POFUT3: variants seen among roughly 807,000 people sequenced by gnomAD.
POFUT3 encodes the protein protein O-fucosyltransferase 3.
chr8:33,337,949 T>G, the POFUT3 span, among the ~76,000 whole-genome samples: 23 of 152,242 alleles, frequency 1.5e-4, no homozygotes, highest in Non-Finnish European at 3.1e-4. Context: ...TCACTCGGTC[T>G]TTCCTTTCTG....
the POFUT3 span, among the ~76,000 whole-genome samples, chr8:33,323,380 A>G: frequency 0.016 from 2,451 of 152,294 alleles, 80 homozygotes; most frequent in African/African-American, 0.057. Flanking sequence ...TGCAGGGTGC[A>G]TGAAGCTTTT....
At chr8:33,342,571 A>G in the POFUT3 span, among the ~76,000 whole-genome samples, 2 of 152,232 alleles carry the variant, frequency 1.3e-5, no homozygotes, top group Non-Finnish European at 2.9e-5. Flanking sequence ...GTTCAATCTT[A>G]TTAGCCATTA....
chr8:33,462,870 G>A, the POFUT3 span, among the ~76,000 whole-genome samples: 1 of 151,832 alleles, frequency 6.6e-6, no homozygotes, highest in Admixed American at 6.6e-5. Context: ...GGTCAAGGCT[G>A]CAGTAAGCCG....
the POFUT3 span, among the ~76,000 whole-genome samples, chr8:33,357,615 T>G: frequency 2.0e-5 from 3 of 152,016 alleles, no homozygotes; most frequent in Non-Finnish European, 4.4e-5. Context: ...TTTCTTTTGT[T>G]TTCCCCTATT....
At chr8:33,467,805 G>T in the POFUT3 span, among the ~76,000 whole-genome samples, 1 of 152,226 alleles carries the variant, frequency 6.6e-6, no homozygotes, top group Non-Finnish European at 1.5e-5. Flanking sequence ...GCTTGAGGGT[G>T]CCAGCTTCAA....
At chr8:33,403,304 G>A in the POFUT3 span, among the ~76,000 whole-genome samples, 1 of 151,924 alleles carries the variant, frequency 6.6e-6, no homozygotes, top group Non-Finnish European at 1.5e-5. Flanking sequence ...GAGACAGTGT[G>A]TGGACTGTGT....
the POFUT3 span, among the ~76,000 whole-genome samples, chr8:33,472,464 C>A: frequency 6.6e-6 from 1 of 152,138 alleles, no homozygotes; most frequent in Non-Finnish European, 1.5e-5. Flanking sequence ...GTGCAAAATA[C>A]CTAACACATG....
the POFUT3 span, chr8:33,389,532 C>T: frequency 6.2e-7 from 1 of 1,614,136 alleles, no homozygotes; most frequent in Non-Finnish European, 8.5e-7. Context: ...TGTACATACA[C>T]CAGCGGAGCA....
At chr8:33,423,092 C>T in the POFUT3 span, among the ~76,000 whole-genome samples, 2 of 152,084 alleles carry the variant, frequency 1.3e-5, no homozygotes, top group Non-Finnish European at 2.9e-5. Flanking sequence ...GCCGGGATTA[C>T]AAGTGTGACC....
At chr8:33,454,349 T>A in the POFUT3 span, among the ~76,000 whole-genome samples, 1 of 152,162 alleles carries the variant, frequency 6.6e-6, no homozygotes, top group Non-Finnish European at 1.5e-5. Flanking sequence ...CAACACTGCA[T>A]CTCTCTGACT....
At chr8:33,400,050 TG>T in the POFUT3 span, among the ~76,000 whole-genome samples, 1 of 150,776 alleles carries the variant, frequency 6.6e-6, no homozygotes, top group African/African-American at 2.4e-5. Context: ...AAAGATTATA[TG>T]GGAAAAGTAA....
chr8:33,430,447 C>T, the POFUT3 span, among the ~76,000 whole-genome samples: 3 of 152,170 alleles, frequency 2.0e-5, no homozygotes, highest in East Asian at 3.9e-4. Context: ...AACTGCTGAA[C>T]ATCATGTATG....
At chr8:33,438,636 G>A in the POFUT3 span, among the ~76,000 whole-genome samples, 5 of 152,272 alleles carry the variant, frequency 3.3e-5, no homozygotes, top group South Asian at 1.0e-3. Flanking sequence ...AGACAAACTC[G>A]AGACTGGGTA....
chr8:33,395,350 G>A, the POFUT3 span, among the ~76,000 whole-genome samples: 1 of 152,150 alleles, frequency 6.6e-6, no homozygotes, highest in African/African-American at 2.4e-5. Context: ...AAGAGAAGGA[G>A]CATCTGAACA....
At chr8:33,465,852 T>G in the POFUT3 span, among the ~76,000 whole-genome samples, 1 of 152,100 alleles carries the variant, frequency 6.6e-6, no homozygotes, top group Non-Finnish European at 1.5e-5. Flanking sequence ...GGAAAGCAGA[T>G]AAATGAAGGA....
chr8:33,389,461 G>C, the POFUT3 span: 8 of 1,614,094 alleles, frequency 5.0e-6, no homozygotes, highest in South Asian at 1.1e-5. Context: ...AATCGACCTC[G>C]ATGTAAGTCA....
chr8:33,331,265 C>T, the POFUT3 span, among the ~76,000 whole-genome samples: 6 of 150,848 alleles, frequency 4.0e-5, no homozygotes, highest in Admixed American at 6.6e-5. Flanking sequence ...ACCCAGGAGG[C>T]GGAGGTTGTA....
At chr8:33,349,172 T>C in the POFUT3 span, among the ~76,000 whole-genome samples, 3 of 152,300 alleles carry the variant, frequency 2.0e-5, no homozygotes, top group African/African-American at 7.2e-5. Flanking sequence ...CAGATAGCTG[T>C]AGGAGTCAAG....
At chr8:33,399,530 G>A in the POFUT3 span, among the ~76,000 whole-genome samples, 1 of 152,168 alleles carries the variant, frequency 6.6e-6, no homozygotes, top group Non-Finnish European at 1.5e-5. Flanking sequence ...CATCTTCCAA[G>A]ACAGGGAGTC....
Sources: allele counts gnomAD v4.1 joint callset (sites outside exome capture counted in the v4.1 genomes callset), GRCh38; gene constraint gnomAD v4.1.1; transcripts MANE v1.5; gene names NCBI Gene and HGNC (gene_info 2026-07-23, HGNC 2026-07-21).